Variants in TASP1 observed in about 807,000 individuals in gnomAD.
TASP1 encodes threonine aspartase 1.
TASP1 carries 16 observed loss-of-function variants against 56.6 expected under a neutral mutation model. The observed-to-expected ratio is 0.28, with a 90% CI of 0.19 to 0.43. TASP1 has a LOEUF of 0.43. TASP1 is among the 20% of genes least tolerant of loss of function. TASP1 has a pLI of 1.00. For missense variants in TASP1, 393 were observed against 511.6 expected (o/e 0.77, Z 2.24); for synonymous variants, 179 against 184.2 (o/e 0.97, Z 0.23).
At chr20:13,442,198 G>A (rs1431851398) in intron 11 of TASP1, among the ~76,000 whole-genome samples, 1 of 151,788 alleles carries the variant, frequency 6.6e-6, no homozygotes, top group Non-Finnish European at 1.5e-5. Flanking sequence ...GACTTTCTGG[G>A]GTAAAGGTAT....
At chr20:13,225,632 A>G in the TASP1 span, among the ~76,000 whole-genome samples, 1 of 152,282 alleles carries the variant, frequency 6.6e-6, no homozygotes, top group Non-Finnish European at 1.5e-5. Context: ...TACACTCTCC[A>G]TATTGGGTAA....
intron 13 of TASP1, among the ~76,000 whole-genome samples, chr20:13,397,896 T>C (rs889843637): frequency 2.6e-5 from 4 of 152,312 alleles, no homozygotes; most frequent in East Asian, 1.9e-4. Context: ...GGGGAGGCTA[T>C]GGGTCACCAT....
chr20:13,490,192 AC>A (rs1339148452), intron 10 of TASP1, among the ~76,000 whole-genome samples: 1 of 152,150 alleles, frequency 6.6e-6, no homozygotes, highest in Non-Finnish European at 1.5e-5. Flanking sequence ...TAGGGGGGAA[AC>A]CCAGGATATA....
intron 4 of TASP1, among the ~76,000 whole-genome samples, chr20:13,607,314 C>A (rs967532945): frequency 6.6e-6 from 1 of 152,156 alleles, no homozygotes; most frequent in African/African-American, 2.4e-5. Context: ...AATTTTGGAA[C>A]CCCAAGCCAA....
chr20:13,226,865 G>C, the TASP1 span, among the ~76,000 whole-genome samples: 1 of 152,186 alleles, frequency 6.6e-6, no homozygotes, highest in Non-Finnish European at 1.5e-5. Context: ...TAGTGGACAA[G>C]AAATAGTTTC....
At chr20:13,345,923 A>G in the TASP1 span, among the ~76,000 whole-genome samples, 3 of 121,362 alleles carry the variant, frequency 2.5e-5, no homozygotes, top group African/African-American at 1.2e-4. Flanking sequence ...GGTTAAAAAA[A>G]AAAAAAAAAA....
chr20:13,596,105 G>A (rs541945258), intron 4 of TASP1, among the ~76,000 whole-genome samples: 16 of 152,208 alleles, frequency 1.1e-4, no homozygotes, highest in African/African-American at 2.9e-4. Flanking sequence ...AGGTGCAGTC[G>A]CTCACGCCTG....
intron 10 of TASP1, among the ~76,000 whole-genome samples, chr20:13,500,395 T>A (rs2043902336): frequency 6.7e-6 from 1 of 149,992 alleles, no homozygotes; most frequent in South Asian, 2.1e-4. Context: ...CAATCAATAA[T>A]TATAAGACAT....
the TASP1 span, among the ~76,000 whole-genome samples, chr20:13,154,409 T>G: frequency 6.6e-6 from 1 of 152,214 alleles, no homozygotes; most frequent in Non-Finnish European, 1.5e-5. Context: ...CAGCCTCACC[T>G]GTAAATTAAG....
chr20:13,233,943 C>A, the TASP1 span, among the ~76,000 whole-genome samples: 1 of 152,170 alleles, frequency 6.6e-6, no homozygotes, highest in Admixed American at 6.5e-5. Flanking sequence ...ATGCCCAGAA[C>A]TACTGAATCA....
chr20:13,415,089 T>C (rs1408475819), intron 13 of TASP1, among the ~76,000 whole-genome samples: 4 of 152,142 alleles, frequency 2.6e-5, no homozygotes, highest in Non-Finnish European at 5.9e-5. Context: ...AAAAATAGTT[T>C]TTAAATTTTA....
At chr20:13,113,561 T>C in the TASP1 span, among the ~76,000 whole-genome samples, 10 of 152,304 alleles carry the variant, frequency 6.6e-5, no homozygotes, top group African/African-American at 2.2e-4. Context: ...TCACCATTCA[T>C]AGGTATTATT....
chr20:13,614,916 C>G (rs2048469755), intron 4 of TASP1: 1 of 433,486 alleles, frequency 2.3e-6, no homozygotes, highest in Non-Finnish European at 4.7e-6. Context: ...TTCTCCAGTA[C>G]TACCAAATTT....
At chr20:13,191,828 G>A in the TASP1 span, among the ~76,000 whole-genome samples, 2 of 152,204 alleles carry the variant, frequency 1.3e-5, no homozygotes, top group Non-Finnish European at 2.9e-5. Context: ...GGTTGCATAT[G>A]TGTATTGAAA....
chr20:13,382,998 C>T, the TASP1 span, among the ~76,000 whole-genome samples: 3 of 152,088 alleles, frequency 2.0e-5, no homozygotes, highest in African/African-American at 4.8e-5. Flanking sequence ...CATGTGAAGC[C>T]ATCTGGAAAG....
chr20:13,631,540 T>C (rs547012888), intron 1 of TASP1, among the ~76,000 whole-genome samples: 3 of 152,356 alleles, frequency 2.0e-5, no homozygotes, highest in South Asian at 2.1e-4. Flanking sequence ...CAGCCTATAA[T>C]GCCATCATGT....
At chr20:13,510,237 G>A (rs758668944) in intron 10 of TASP1, among the ~76,000 whole-genome samples, 1 of 152,074 alleles carries the variant, frequency 6.6e-6, no homozygotes, top group Non-Finnish European at 1.5e-5. Flanking sequence ...TATTAGGACA[G>A]TTACAACACT....
chr20:13,258,230 C>G, the TASP1 span, among the ~76,000 whole-genome samples: 7 of 152,148 alleles, frequency 4.6e-5, no homozygotes, highest in Non-Finnish European at 1.0e-4. Flanking sequence ...CCCTTGCTGT[C>G]TAGCTTCTGA....
the TASP1 span, among the ~76,000 whole-genome samples, chr20:13,158,044 C>T: frequency 6.6e-6 from 1 of 152,160 alleles, no homozygotes; most frequent in African/African-American, 2.4e-5. Flanking sequence ...TGGTTTTACC[C>T]ATAAAACATA....
Sources: gnomAD v4.1 joint callset for allele counts (sites outside exome capture counted in the v4.1 genomes callset) on GRCh38, gnomAD v4.1.1 for gene constraint, MANE v1.5 for transcripts, NCBI Gene and HGNC (gene_info 2026-07-23, HGNC 2026-07-21) for gene names.